The following C4orf51 variants were observed in gnomAD, a reference collection of about 807,000 sequenced individuals.
C4orf51 encodes the protein chromosome 4 open reading frame 51.
Under a neutral mutation model 25.2 loss-of-function variants are expected in C4orf51, and 25 were observed. The ratio of observed to expected loss-of-function variants is 0.99; its 90% CI spans 0.72 to 1.39. The LOEUF (loss-of-function observed/expected upper bound fraction) is 1.39. C4orf51 is among the 40% of genes most tolerant of loss of function. The pLI is 0.00. For missense variants in C4orf51, 252 were observed against 239.6 expected (o/e 1.05, Z -0.34); for synonymous variants, 100 against 84.5 (o/e 1.18, Z -1.01).
At chr4:145,681,566 C>T (rs1420820007) in intron 1 of C4orf51, among the ~76,000 whole-genome samples, 5 of 152,088 alleles carry the variant, frequency 3.3e-5, no homozygotes, top group East Asian at 3.9e-4. Context: ...TTGTCTTAGT[C>T]CATTTTCTGC....
chr4:145,776,349 T>G, the C4orf51 span, among the ~76,000 whole-genome samples: 1 of 151,892 alleles, frequency 6.6e-6, no homozygotes, highest in Non-Finnish European at 1.5e-5. Context: ...TAGTCCCAGC[T>G]ACTTGGGAGG....
At chr4:145,690,618 C>A (rs574284963) in intron 1 of C4orf51, among the ~76,000 whole-genome samples, 2 of 152,062 alleles carry the variant, frequency 1.3e-5, no homozygotes, top group Non-Finnish European at 2.9e-5. Flanking sequence ...ACAACAAAAA[C>A]AAAAACTGAC....
intron 1 of C4orf51, chr4:145,759,934 CTGTG>C (rs1325817271): frequency 2.0e-5 from 3 of 152,198 alleles, no homozygotes; most frequent in Admixed American, 6.5e-5. Flanking sequence ...AAATGATGCA[CTGTG>C]TGTGTGCACC....
intron 2 of C4orf51, among the ~76,000 whole-genome samples, chr4:145,703,895 G>C (rs1376018180): frequency 6.6e-6 from 1 of 152,156 alleles, no homozygotes; most frequent in Non-Finnish European, 1.5e-5. Context: ...CTAAAGCTTT[G>C]GTAAAAATCA....
In C4orf51 at chr4:145,761,420, C is replaced by T. The variant is rs1290442109; in HGVS notation, n.167-9568C>T. The T allele has an allele frequency of 8.5e-6, 11 of 1,289,786 alleles. No homozygotes were observed. The highest frequency in any genetic ancestry group is 1.1e-5 in the Non-Finnish European group (11 of 988,832). The allele number at this position is 1,289,786 out of a possible 1,614,324, so 79.9% of individuals were successfully genotyped here. A position where few individuals can be genotyped will look rare whatever the true frequency, so the allele number is the denominator to read the frequency against. Reference sequence around the variant, plus strand: ...TTGTTGGCGGTCTTGGACAGGTAGCCGCACTGGTCGCACTTGTAGTGGTTG... The same window carrying T: ...TTGTTGGCGGTCTTGGACAGGTAGCTGCACTGGTCGCACTTGTAGTGGTTG... On this transcript the variant is annotated intron_variant and non_coding_transcript_variant, in intron 1 of 1. Transcript: ENST00000510096. The surrounding 1 kb of genome is among the most constrained non-coding windows in gnomAD (Gnocchi z 6.8).
intron 1 of C4orf51, among the ~76,000 whole-genome samples, chr4:145,767,123 G>A (rs907398676): frequency 1.3e-5 from 2 of 152,196 alleles, no homozygotes; most frequent in Non-Finnish European, 2.9e-5. Context: ...AACAGACACA[G>A]TTGTTAGACT....
intron 1 of C4orf51, chr4:145,759,665 A>T (rs2126831569): frequency 6.6e-6 from 1 of 152,096 alleles, no homozygotes; most frequent in Non-Finnish European, 1.5e-5. Flanking sequence ...TAAAAAAGGT[A>T]CATTTTCTTC....
At chr4:145,748,110 A>G (rs1261513077) in intron 1 of C4orf51, among the ~76,000 whole-genome samples, 1 of 151,900 alleles carries the variant, frequency 6.6e-6, no homozygotes, top group African/African-American at 2.4e-5. Flanking sequence ...ACATGGTTCA[A>G]TCTTGATAGG....
intron 1 of C4orf51, among the ~76,000 whole-genome samples, chr4:145,691,638 T>C (rs1237471284): frequency 6.6e-6 from 1 of 152,224 alleles, no homozygotes; most frequent in Admixed American, 6.5e-5. Context: ...TAATGTCCTT[T>C]GTAGCAACAT....
Position 145,723,114 on chromosome 4 carries a change from C to T in C4orf51, c.308-3797C>T, listed in dbSNP as rs551870137. 6.6e-5 allele frequency among the ~76,000 whole-genome samples: 10 copies of T among 152,198 alleles called. No homozygotes were observed. In the South Asian group the frequency reaches 2.1e-3, roughly 32 times the overall value. ...CCTGAAACCATCACCCCTGCCCCTG[C>T]CCACCCACCTTCCATGTTTCCATTG... On this transcript the variant is annotated intron_variant, in intron 2 of 5. Transcript: ENST00000438731.
At chr4:145,693,304 C>A (rs867966273) in intron 1 of C4orf51, among the ~76,000 whole-genome samples, 1 of 150,926 alleles carries the variant, frequency 6.6e-6, no homozygotes, top group African/African-American at 2.4e-5. Flanking sequence ...ATCCATTTAA[C>A]CCTGAGTGGA....
In C4orf51 at chr4:145,699,855, C is replaced by G. The variant is rs564197253; in HGVS notation, c.307+3223C>G. 4.3e-4 allele frequency among the ~76,000 whole-genome samples: 66 copies of G among 152,166 alleles called. No individual in the cohort carries two copies. In the South Asian group the frequency reaches 0.013, roughly 29 times the overall value. On this transcript the variant is annotated intron_variant, in intron 2 of 5. Coordinates refer to ENST00000438731, the MANE Select transcript of C4orf51 (RefSeq NM_001080531.3). Reference sequence around the variant, plus strand: ...TTCTCTCCTTGTCTCTACCCCTTCTCTGCTTTTCTGGGGGAGGGGCAAGTA... The same window carrying G: ...TTCTCTCCTTGTCTCTACCCCTTCTGTGCTTTTCTGGGGGAGGGGCAAGTA...
At chr4:145,774,909 A>C (rs1264884820), downstream of C4orf51, among the ~76,000 whole-genome samples, 1 of 152,248 alleles carries the variant, frequency 6.6e-6, no homozygotes, top group East Asian at 1.9e-4. Context: ...TATGTGTTAT[A>C]ATGATGCTAA....
chr4:145,748,351 A>G (rs1008200315), intron 1 of C4orf51, among the ~76,000 whole-genome samples: 50 of 151,934 alleles, frequency 3.3e-4, no homozygotes, highest in African/African-American at 4.3e-4. Context: ...TTTTAATTTC[A>G]TTGATCTTTT....
chr4:145,733,363 G>A (rs1230961587), downstream of C4orf51, among the ~76,000 whole-genome samples: 2 of 152,186 alleles, frequency 1.3e-5, no homozygotes, highest in Non-Finnish European at 2.9e-5. Context: ...CGCGGAGCGC[G>A]CGGGAGGGAG....
chr4:145,780,054 G>C, the C4orf51 span, among the ~76,000 whole-genome samples: 4 of 152,202 alleles, frequency 2.6e-5, no homozygotes, highest in African/African-American at 9.7e-5. Context: ...AGCTGGGCAT[G>C]GTGGCGGGTG....
chr4:145,733,754 A>G (rs1352535407), downstream of C4orf51, among the ~76,000 whole-genome samples: 2 of 152,124 alleles, frequency 1.3e-5, no homozygotes, highest in South Asian at 2.1e-4. Context: ...CAACCTTCGT[A>G]TGGTTTCCAT....
chr4:145,789,954 A>G, the C4orf51 span, among the ~76,000 whole-genome samples: 3 of 152,212 alleles, frequency 2.0e-5, no homozygotes. Flanking sequence ...TCTTCTTTAC[A>G]TCTTTACATC....
At chr4:145,764,511 T>C (rs113450188) in intron 1 of C4orf51, among the ~76,000 whole-genome samples, 131 of 152,304 alleles carry the variant, frequency 8.6e-4, no homozygotes, top group African/African-American at 2.9e-3. Context: ...GATCGTTGCA[T>C]GAAAAATGTT....
Sources: allele counts gnomAD v4.1 joint callset (sites outside exome capture counted in the v4.1 genomes callset), GRCh38; gene constraint gnomAD v4.1.1; non-coding constraint Gnocchi (gnomAD v3.1); transcripts MANE v1.5; gene names NCBI Gene and HGNC (gene_info 2026-07-23, HGNC 2026-07-21).